The following NAALADL2 variants were observed in gnomAD, a reference collection of about 807,000 sequenced individuals.
The protein encoded by NAALADL2 is N-acetylated alpha-linked acidic dipeptidase like 2, also known as inactive N-acetylated-alpha-linked acidic dipeptidase-like protein 2.
A neutral mutation model predicts 87.2 loss-of-function variants in NAALADL2; 76 were observed. The ratio of observed to expected loss-of-function variants is 0.87; its 90% CI spans 0.72 to 1.05. The LOEUF (loss-of-function observed/expected upper bound fraction) is 1.05, where lower values mean the gene tolerates loss of function less well. Among genes scored for constraint, NAALADL2 ranks in the 50% least tolerant of loss-of-function variants. The pLI is 0.00. For synonymous variants in NAALADL2, 354 were observed against 331.0 expected (o/e 1.07, Z -0.75); for missense variants, 1,089 against 945.8 (o/e 1.15, Z -1.99).
chr3:175,676,089 CA>C (rs781721131), intron 11 of NAALADL2: 1 of 152,060 alleles, frequency 6.6e-6, no homozygotes, highest in African/African-American at 2.4e-5. Flanking sequence ...TATGCTTCAT[CA>C]GGGGCAAAGT....
intron 1 of NAALADL2, among the ~76,000 whole-genome samples, chr3:174,952,900 C>G (rs1047886988): frequency 6.6e-6 from 1 of 151,964 alleles, no homozygotes; most frequent in Admixed American, 6.6e-5. Context: ...TTAGTGCCCT[C>G]CTCTTTCACT....
intron 11 of NAALADL2, among the ~76,000 whole-genome samples, chr3:175,705,284 G>T (rs181396139): frequency 1.1e-3 from 162 of 152,212 alleles, no homozygotes; most frequent in African/African-American, 3.7e-3. Context: ...AGAGCTCAAA[G>T]TCAAGACCAG....
chr3:175,707,912 CA>C (rs1159516912), intron 11 of NAALADL2, among the ~76,000 whole-genome samples: 1 of 151,812 alleles, frequency 6.6e-6, no homozygotes, highest in Non-Finnish European at 1.5e-5. Flanking sequence ...GAATATAGCA[CA>C]AGTGCATATT....
chr3:174,747,047 G>A (rs751480397), intron 3 of NAALADL2, among the ~76,000 whole-genome samples: 12 of 152,192 alleles, frequency 7.9e-5, no homozygotes, highest in Middle Eastern at 3.4e-3. Flanking sequence ...AGCAACAAAA[G>A]CAATTGCAAC....
At chr3:174,471,650 G>A (rs1481938067) in intron 1 of NAALADL2, among the ~76,000 whole-genome samples, 1 of 151,970 alleles carries the variant, frequency 6.6e-6, no homozygotes, top group Non-Finnish European at 1.5e-5. Flanking sequence ...AGAGTACTGG[G>A]TTTGAATCCT....
At chr3:174,854,842 T>C (rs1466637886), upstream of NAALADL2, among the ~76,000 whole-genome samples, 4 of 144,726 alleles carry the variant, frequency 2.8e-5, no homozygotes, top group African/African-American at 5.1e-5. Flanking sequence ...TTTCTTTTTT[T>C]TTTTTTTTTT....
At chr3:174,702,384 A>T (rs911568814) in intron 2 of NAALADL2, among the ~76,000 whole-genome samples, 1 of 152,162 alleles carries the variant, frequency 6.6e-6, no homozygotes, top group Admixed American at 6.5e-5. Context: ...TTAACATGAC[A>T]TAAATGGGCA....
intron 5 of NAALADL2, among the ~76,000 whole-genome samples, chr3:175,393,963 A>G (rs1484951781): frequency 6.6e-6 from 1 of 152,000 alleles, no homozygotes; most frequent in Admixed American, 6.6e-5. Flanking sequence ...TACACAAGCT[A>G]TTTTTTTCTG....
chr3:175,178,273 T>A (rs1735974216), intron 2 of NAALADL2, among the ~76,000 whole-genome samples: 1 of 152,064 alleles, frequency 6.6e-6, no homozygotes, highest in Non-Finnish European at 1.5e-5. Flanking sequence ...CCATCTCATA[T>A]ATATGTGCAT....
chr3:175,432,508 TAATC>T (rs1320750709), intron 5 of NAALADL2, among the ~76,000 whole-genome samples: 1 of 152,072 alleles, frequency 6.6e-6, no homozygotes, highest in Non-Finnish European at 1.5e-5. Flanking sequence ...ATTTTAGTCT[TAATC>T]AACACCATAT....
chr3:175,042,142 A>G (rs1244199320), intron 1 of NAALADL2, among the ~76,000 whole-genome samples: 1 of 152,100 alleles, frequency 6.6e-6, no homozygotes. Context: ...GACTTTTTTT[A>G]GATTCCACAT....
intron 9 of NAALADL2, among the ~76,000 whole-genome samples, chr3:175,497,057 G>T (rs77050096): frequency 9.9e-5 from 15 of 152,068 alleles, no homozygotes; most frequent in Admixed American, 8.5e-4. Context: ...ACCAAATGGC[G>T]TGTAGTGTTT....
intron 1 of NAALADL2, among the ~76,000 whole-genome samples, chr3:174,976,700 A>G (rs73048916): frequency 0.01 from 1,573 of 152,322 alleles, 35 homozygotes; most frequent in African/African-American, 0.036. Flanking sequence ...ACATTCATCA[A>G]ACAGCATGTC....
At chr3:174,827,289 T>C (rs1394319137) in intron 3 of NAALADL2, among the ~76,000 whole-genome samples, 2 of 152,236 alleles carry the variant, frequency 1.3e-5, no homozygotes, top group Non-Finnish European at 2.9e-5. Flanking sequence ...ACAAACTTAC[T>C]GTCTTACAGT....
chr3:175,702,512 A>T (rs895103044), intron 11 of NAALADL2, among the ~76,000 whole-genome samples: 3 of 152,190 alleles, frequency 2.0e-5, no homozygotes, highest in African/African-American at 7.2e-5. Context: ...CAAAGTTACC[A>T]AATAACAAAG....
chr3:174,466,753 C>T (rs930649769), intron 1 of NAALADL2, among the ~76,000 whole-genome samples: 2 of 152,140 alleles, frequency 1.3e-5, no homozygotes, highest in African/African-American at 4.8e-5. Context: ...AGGACTTTCT[C>T]TTCATTATCA....
chr3:175,182,387 TTTTG>T (rs988632227), intron 2 of NAALADL2, among the ~76,000 whole-genome samples: 3 of 151,824 alleles, frequency 2.0e-5, no homozygotes, highest in African/African-American at 7.3e-5. Flanking sequence ...CAAAACTGTT[TTTTG>T]TTTATTTGTT....
intron 2 of NAALADL2, chr3:175,115,163 C>T (rs1317345112): frequency 6.6e-6 from 1 of 151,582 alleles, no homozygotes; most frequent in Non-Finnish European, 1.5e-5. Flanking sequence ...CATATTTCTT[C>T]ATAGTTCTTA....
chr3:175,491,263 A>G (rs1165569670), intron 9 of NAALADL2, among the ~76,000 whole-genome samples: 1 of 150,430 alleles, frequency 6.6e-6, no homozygotes, highest in Non-Finnish European at 1.5e-5. Flanking sequence ...ATATTATTTT[A>G]TTGTTCTATA....
Sources: allele counts gnomAD v4.1 joint callset (sites outside exome capture counted in the v4.1 genomes callset), GRCh38; gene constraint gnomAD v4.1.1; transcripts MANE v1.5; gene names NCBI Gene and HGNC (gene_info 2026-07-23, HGNC 2026-07-21).